FOXO1: variants seen among roughly 807,000 people sequenced by gnomAD.
The protein encoded by FOXO1 is forkhead box O1.
FOXO1 carries 6 observed loss-of-function variants against 44.1 expected under a neutral mutation model. That is an observed-to-expected ratio of 0.14 (90% CI 0.07 to 0.27). The LOEUF (loss-of-function observed/expected upper bound fraction) is 0.27, where lower values mean the gene tolerates loss of function less well. FOXO1 is among the 10% of genes least tolerant of loss of function. The pLI is 1.00. For synonymous variants in FOXO1, 380 were observed against 362.7 expected, an observed-to-expected ratio of 1.05 and a Z score of -0.54; for missense variants, 737 against 888.8, an observed-to-expected ratio of 0.83 and a Z score of 2.17.
intron 1 of FOXO1, among the ~76,000 whole-genome samples, chr13:40,585,259 G>C (rs1016085063): frequency 6.6e-6 from 1 of 152,010 alleles, no homozygotes; most frequent in Non-Finnish European, 1.5e-5. Context: ...AGAGAATAAG[G>C]AATGTCAACC....
chr13:40,665,973 G>C lies in FOXO1; in HGVS notation c.240C>G (p.Ser80Arg), dbSNP rs1183757708. The C allele has an allele frequency of 2.4e-5, 30 of 1,234,632 alleles. No homozygotes were observed. The highest frequency in any genetic ancestry group is 2.3e-4 in the African/African-American group (15 of 64,030). 76.5% of individuals were successfully genotyped at this position (1,234,632 alleles called of 1,614,324 possible). A position where few individuals can be genotyped will look rare whatever the true frequency, so the allele number is the denominator to read the frequency against. Residue 80 changes from serine (S) to arginine (R), a missense_variant, in exon 1 of 3, where the codon AGC becomes AGG. Around this residue, in one of 7 missense-constraint regions of FOXO1, gnomAD observed 213 missense variants for 236.4 expected, o/e 0.90. Coordinates refer to ENST00000379561, the MANE Select transcript of FOXO1 (RefSeq NM_002015.4). ...FMSNLSLLEE[S>R]EDFPQAPGSV... Reference sequence around the variant, plus strand: ...AGCCGGGCGCCTGCGGGAAGTCCTCGCTCTCCTCCAGCAAGCTCAGGTTGC... The same window carrying C: ...AGCCGGGCGCCTGCGGGAAGTCCTCCCTCTCCTCCAGCAAGCTCAGGTTGC...
At chr13:40,567,717 C>G (rs1374982631) in intron 1 of FOXO1, among the ~76,000 whole-genome samples, 2 of 152,100 alleles carry the variant, frequency 1.3e-5, no homozygotes, top group Non-Finnish European at 2.9e-5. Flanking sequence ...CACCTGTAAT[C>G]CTGGCACTTT....
At chr13:40,618,912 C>G (rs911209437) in intron 1 of FOXO1, 3 of 526,032 alleles carry the variant, frequency 5.7e-6, no homozygotes. Context: ...TTAGGCTCCC[C>G]TAGAGAAATA....
intron 1 of FOXO1, among the ~76,000 whole-genome samples, chr13:40,642,334 C>G (rs548384979): frequency 6.6e-6 from 1 of 152,248 alleles, no homozygotes; most frequent in South Asian, 2.1e-4. Context: ...AATGTCCTCT[C>G]AAAAAATGGG....
intron 1 of FOXO1, among the ~76,000 whole-genome samples, chr13:40,565,697 C>A (rs553702830): frequency 3.3e-5 from 5 of 152,302 alleles, no homozygotes; most frequent in Admixed American, 2.0e-4. Context: ...CCTACATTTA[C>A]AAAGTTGGTG....
intron 1 of FOXO1, among the ~76,000 whole-genome samples, chr13:40,599,217 GA>G (rs5803058): frequency 1.4e-3 from 189 of 137,186 alleles, no homozygotes; most frequent in Middle Eastern, 3.7e-3. Flanking sequence ...AAAACACGCT[GA>G]AAAAAAAAAA....
At chr13:40,663,044 C>G (rs986831799) in intron 1 of FOXO1, among the ~76,000 whole-genome samples, 4 of 152,154 alleles carry the variant, frequency 2.6e-5, no homozygotes, top group African/African-American at 9.7e-5. Flanking sequence ...AATGTACTTG[C>G]TGCAATCAGA....
At chr13:40,568,317 G>A (rs898499395) in intron 1 of FOXO1, among the ~76,000 whole-genome samples, 2 of 152,172 alleles carry the variant, frequency 1.3e-5, no homozygotes, top group Non-Finnish European at 2.9e-5. Context: ...TCTAATTTCT[G>A]TGAACTTTCT....
rs142323549 is a variant in FOXO1 at position 40,630,102 on chromosome 13, G to A, written c.630+35481C>T. On this transcript the variant is annotated intron_variant, in intron 1 of 2. Transcript: ENST00000379561. Reference sequence around the variant, plus strand: ...TACCTTTCTATGTCCAAAAAATAAGGGAAGGAGGTTTAAAATATAAGTAGC... The same window carrying A: ...TACCTTTCTATGTCCAAAAAATAAGAGAAGGAGGTTTAAAATATAAGTAGC... Among the ~76,000 whole-genome samples the A allele has an allele frequency of 1.5e-3, 225 of 152,204 alleles. 2 individuals carry two copies. Among genetic ancestry groups the A allele is most frequent in the African/African-American group, 5.2e-3 (214 of 41,528 alleles).
At chr13:40,632,352 T>G (rs775193033) in intron 1 of FOXO1, among the ~76,000 whole-genome samples, 1 of 152,194 alleles carries the variant, frequency 6.6e-6, no homozygotes, top group Non-Finnish European at 1.5e-5. Flanking sequence ...CTAGAATATA[T>G]GAAGAATTCT....
chr13:40,665,501 C>G, intron 1 of FOXO1, 82 bp downstream of exon 1: 1 of 1,191,510 alleles, frequency 8.4e-7, no homozygotes, highest in African/African-American at 1.6e-5. Flanking sequence ...TCCGCACCTT[C>G]AGGCCGAGCA....
At chr13:40,658,972 A>G (rs1359193304) in intron 1 of FOXO1, among the ~76,000 whole-genome samples, 1 of 152,078 alleles carries the variant, frequency 6.6e-6, no homozygotes, top group Non-Finnish European at 1.5e-5. Context: ...AGATTGCACC[A>G]CTGCACTCCA....
chr13:40,620,352 C>T (rs1593403305), intron 1 of FOXO1: 9 of 734,870 alleles, frequency 1.2e-5, no homozygotes, highest in East Asian at 1.1e-4. Flanking sequence ...GGGCTTCTGC[C>T]GAATCATTTC....
chr13:40,618,995 G>A (rs1593402704), intron 1 of FOXO1: 1 of 515,904 alleles, frequency 1.9e-6, no homozygotes, highest in Non-Finnish European at 3.9e-6. Context: ...CTCGAGAAAT[G>A]GAACAAACTG....
In FOXO1 at chr13:40,665,920, GCCGCCGCCGCCA is replaced by G. The variant is rs1368861222; in HGVS notation, c.281_292del (p.Val94_Ala97del). 120 of 1,198,882 alleles carry G rather than the reference GCCGCCGCCGCCA, an allele frequency of 1.0e-4. No homozygotes were observed. In the Admixed American group the frequency reaches 1.2e-3, roughly 12 times the overall value. 74.3% of individuals were successfully genotyped at this position (1,198,882 alleles called of 1,614,324 possible). ...CAGCCCCCCGGTGGCGGCCGCGGCG[GCCGCCGCCGCCA>G]CCGCCGCCGCCACGGAGCCGGGCGC... is the stretch of plus-strand genomic sequence containing the variant. On this transcript the variant is annotated inframe_deletion, in exon 1 of 3. Coordinates refer to ENST00000379561, the MANE Select transcript of FOXO1 (RefSeq NM_002015.4).
At chr13:40,619,316 GA>G (rs1388819621) in intron 1 of FOXO1, 2 of 482,448 alleles carry the variant, frequency 4.1e-6, no homozygotes, top group African/African-American at 2.0e-5. Flanking sequence ...ATGAAATAAA[GA>G]AATGGAACAA....
chr13:40,657,034 C>A (rs1356030700), intron 1 of FOXO1, among the ~76,000 whole-genome samples: 1 of 152,004 alleles, frequency 6.6e-6, no homozygotes, highest in Non-Finnish European at 1.5e-5. Flanking sequence ...GGGATTTCAC[C>A]GTGTTAGCCA....
chr13:40,616,705 T>C (rs576832065), intron 1 of FOXO1, among the ~76,000 whole-genome samples: 2 of 152,314 alleles, frequency 1.3e-5, no homozygotes, highest in African/African-American at 4.8e-5. Flanking sequence ...TGTGTTTCTC[T>C]GCTTAGGACA....
intron 1 of FOXO1, among the ~76,000 whole-genome samples, chr13:40,576,111 G>A (rs767333786): frequency 2.0e-5 from 3 of 152,214 alleles, no homozygotes; most frequent in African/African-American, 4.8e-5. Context: ...TGTGCAGAAT[G>A]TCCGATAAAT....
Sources: allele counts gnomAD v4.1 joint callset (sites outside exome capture counted in the v4.1 genomes callset), GRCh38; gene constraint gnomAD v4.1.1; regional missense constraint gnomAD v4.1.1; transcripts MANE v1.5; gene names NCBI Gene and HGNC (gene_info 2026-07-23, HGNC 2026-07-21).